QTGAL: variants seen among roughly 807,000 people sequenced by gnomAD.
QTGAL encodes queuosine-tRNA galactosyltransferase, also known as BGnT-like protein 1.
the QTGAL span, among the ~76,000 whole-genome samples, chr17:82,983,033 C>T: frequency 6.6e-6 from 1 of 152,202 alleles, no homozygotes; most frequent in African/African-American, 2.4e-5. Context: ...GTAATCCCAG[C>T]ACTTCGGGAG....
At chr17:83,015,832 C>A in the QTGAL span, among the ~76,000 whole-genome samples, 1 of 152,216 alleles carries the variant, frequency 6.6e-6, no homozygotes, top group Non-Finnish European at 1.5e-5. The surrounding 1 kb of genome is among the most constrained non-coding windows in gnomAD (Gnocchi z 4.4). Context: ...TGCTGACGGC[C>A]TGAGGTGGAA....
At chr17:82,988,661 AAAAC>A in the QTGAL span, among the ~76,000 whole-genome samples, 5 of 152,254 alleles carry the variant, frequency 3.3e-5, no homozygotes, top group Non-Finnish European at 5.9e-5. Context: ...TTTACAAGAA[AAAAC>A]AAACAACCCA....
chr17:83,002,225 A>G, the QTGAL span, among the ~76,000 whole-genome samples: 2,781 of 152,268 alleles, frequency 0.018, 77 homozygotes, highest in African/African-American at 0.064. Flanking sequence ...CTCAGGAGAA[A>G]GCCTGCCCCC....
the QTGAL span, chr17:82,949,797 G>A: frequency 6.6e-6 from 1 of 152,210 alleles, no homozygotes; most frequent in Non-Finnish European, 1.5e-5. Flanking sequence ...ATTCTGTGGT[G>A]GGATGGTGGT....
At chr17:83,048,000 TTTCCTTCC>T in the QTGAL span, among the ~76,000 whole-genome samples, 4 of 150,148 alleles carry the variant, frequency 2.7e-5, no homozygotes, top group African/African-American at 9.8e-5. Flanking sequence ...TTCTTCCTTC[TTTCCTTCC>T]TTCCTTCCTC....
chr17:82,991,594 G>A, the QTGAL span, among the ~76,000 whole-genome samples: 21 of 152,136 alleles, frequency 1.4e-4, no homozygotes, highest in Non-Finnish European at 2.1e-4. Context: ...GGACAGGTAC[G>A]AACAAACATA....
chr17:82,949,615 T>C, the QTGAL span: 1 of 152,148 alleles, frequency 6.6e-6, no homozygotes, highest in African/African-American at 2.4e-5. Context: ...GAGTGCAGGA[T>C]ACACAAGCCC....
At chr17:83,040,794 A>G in the QTGAL span, among the ~76,000 whole-genome samples, 1 of 152,166 alleles carries the variant, frequency 6.6e-6, no homozygotes, top group Non-Finnish European at 1.5e-5. Flanking sequence ...GGCTGGGCAC[A>G]GTGGCTCATG....
chr17:83,034,933 T>C, the QTGAL span: 6 of 984,460 alleles, frequency 6.1e-6, no homozygotes, highest in South Asian at 1.4e-5. Flanking sequence ...TAATAACCAT[T>C]AGAAAAATGA....
chr17:82,962,192 C>T, the QTGAL span, among the ~76,000 whole-genome samples: 6 of 152,298 alleles, frequency 3.9e-5, no homozygotes, highest in East Asian at 1.9e-4. Context: ...CAAACTATCA[C>T]GGCCCAACCG....
the QTGAL span, chr17:82,942,686 TA>T: frequency 9.0e-5 from 55 of 613,248 alleles, 2 homozygotes; most frequent in South Asian, 1.1e-3. Flanking sequence ...GTGCTTCCTA[TA>T]AAATCATGTA....
chr17:82,966,523 G>T, the QTGAL span, among the ~76,000 whole-genome samples: 5 of 152,210 alleles, frequency 3.3e-5, no homozygotes, highest in East Asian at 9.6e-4. Flanking sequence ...CAGACAAACG[G>T]AACAGAACAG....
At chr17:83,025,113 T>C in the QTGAL span, among the ~76,000 whole-genome samples, 5 of 151,754 alleles carry the variant, frequency 3.3e-5, no homozygotes, top group African/African-American at 7.3e-5. Context: ...ACAGAAACCA[T>C]GGAGTCCACA....
At chr17:83,002,260 C>T in the QTGAL span, among the ~76,000 whole-genome samples, 98 of 152,230 alleles carry the variant, frequency 6.4e-4, no homozygotes, top group African/African-American at 2.1e-3. Flanking sequence ...CCATGGCCTC[C>T]GGGGAACCCG....
At chr17:82,954,987 G>A in the QTGAL span, among the ~76,000 whole-genome samples, 2 of 152,124 alleles carry the variant, frequency 1.3e-5, no homozygotes, top group Admixed American at 1.3e-4. Flanking sequence ...AACTCAAGAT[G>A]GATTAAAGAC....
At chr17:83,016,923 C>T in the QTGAL span, among the ~76,000 whole-genome samples, 2 of 152,196 alleles carry the variant, frequency 1.3e-5, no homozygotes, top group African/African-American at 4.8e-5. Context: ...GACCCTCAAA[C>T]CTTCCGACCC....
At chr17:83,024,961 G>A in the QTGAL span, among the ~76,000 whole-genome samples, 1 of 152,252 alleles carries the variant, frequency 6.6e-6, no homozygotes, top group South Asian at 2.1e-4. Flanking sequence ...CGCAGTCCTC[G>A]TTTCAGGAGC....
At chr17:82,971,667 C>T in the QTGAL span, among the ~76,000 whole-genome samples, 1,277 of 52,864 alleles carry the variant, frequency 0.024, 60 homozygotes, top group Non-Finnish European at 0.032. Flanking sequence ...CCACAGGGGC[C>T]AGAAGGACCT....
At chr17:82,974,751 A>G in the QTGAL span, among the ~76,000 whole-genome samples, 2 of 152,156 alleles carry the variant, frequency 1.3e-5, no homozygotes, top group African/African-American at 4.8e-5. Flanking sequence ...CCTGGGGGTG[A>G]GCTGGGTCCC....
Sources: allele counts gnomAD v4.1 joint callset (sites outside exome capture counted in the v4.1 genomes callset), GRCh38; gene constraint gnomAD v4.1.1; non-coding constraint Gnocchi (gnomAD v3.1); transcripts MANE v1.5; gene names NCBI Gene and HGNC (gene_info 2026-07-23, HGNC 2026-07-21).